Variants in PVALEF observed in about 807,000 individuals in gnomAD.
The protein encoded by PVALEF is parvalbumin like EF-hand containing.
Under a neutral mutation model 1.2 loss-of-function variants are expected in PVALEF, and 2 were observed. The observed-to-expected ratio is 1.68, with a 90% CI of 0.69 to 5.28. The LOEUF (loss-of-function observed/expected upper bound fraction) is 5.28, where lower values mean the gene tolerates loss of function less well. PVALEF is among the 30% of genes most tolerant of loss of function. PVALEF has a pLI of 0.06. For synonymous variants in PVALEF, 16 were observed against 6.5 expected (o/e 2.47, Z -2.24); for missense variants, 35 against 17.7 (o/e 1.97, Z -1.75).
chr17:81,181,339 C>A lies in PVALEF; in HGVS notation c.106+7C>A. On this transcript the variant is annotated splice_region_variant and intron_variant, in intron 4 of 6. Coordinates refer to ENST00000637878, the MANE Select transcript of PVALEF (RefSeq NM_001354639.2). ...ACAGACATGAGACACCACGGTACAG[C>A]ATGCCCCCGCCCGGCGCGGCCCCCC... 1 of 650,426 alleles carries A rather than the reference C, an allele frequency of 1.5e-6. No homozygotes were observed. Among genetic ancestry groups the A allele is most frequent in the South Asian group, 1.8e-5 (1 of 56,998 alleles). 40.3% of individuals were successfully genotyped at this position (650,426 alleles called of 1,614,324 possible).
intron 2 of PVALEF, among the ~76,000 whole-genome samples, chr17:81,170,024 A>G (rs111067633): frequency 6.8e-6 from 1 of 146,542 alleles, no homozygotes; most frequent in African/African-American, 2.5e-5. Flanking sequence ...GTATGTGCAT[A>G]TGTGTAGGTG....
chr17:81,166,035 C>G (rs2061486988), intron 1 of PVALEF: 1 of 1,448,384 alleles, frequency 6.9e-7, no homozygotes. Context: ...GGGCGCTGCG[C>G]TCAGGACGCC....
At chr17:81,168,674 G>T (rs1341504476) in intron 2 of PVALEF, among the ~76,000 whole-genome samples, 1 of 152,184 alleles carries the variant, frequency 6.6e-6, no homozygotes, top group Admixed American at 6.5e-5. Context: ...TGACCGAGGA[G>T]CCCAGATTGG....
At chr17:81,180,925 A>AC (rs1328965224) in intron 3 of PVALEF, among the ~76,000 whole-genome samples, 198 bp from the exon 4 acceptor site, 2 of 151,210 alleles carry the variant, frequency 1.3e-5, no homozygotes, top group Non-Finnish European at 3.0e-5. Flanking sequence ...CCAGAACCCA[A>AC]CCCCCCCTGG....
chr17:81,165,907 CGGCG>C, intron 1 of PVALEF, 160 bp downstream of exon 1: 1 of 1,563,024 alleles, frequency 6.4e-7, no homozygotes, highest in Non-Finnish European at 8.7e-7. Context: ...AGGGAGGCAG[CGGCG>C]CGCAGGCCGG....
At chr17:81,174,495 TG>T (rs2061530342) in intron 2 of PVALEF, among the ~76,000 whole-genome samples, 1 of 151,790 alleles carries the variant, frequency 6.6e-6, no homozygotes, top group Admixed American at 6.6e-5. Flanking sequence ...CCGGGTGTGA[TG>T]GCACGCGCCT....
At chr17:81,174,881 G>C (rs183152968) in intron 2 of PVALEF, among the ~76,000 whole-genome samples, 1 of 150,050 alleles carries the variant, frequency 6.7e-6, no homozygotes, top group Non-Finnish European at 1.5e-5. Context: ...CCTGGTAGGC[G>C]GAGGTTGCAG....
At chr17:81,172,815 G>A (rs1045412323) in intron 2 of PVALEF, among the ~76,000 whole-genome samples, 1 of 152,034 alleles carries the variant, frequency 6.6e-6, no homozygotes, top group Non-Finnish European at 1.5e-5. Context: ...CAGCTCCCAG[G>A]CACAACACGG....
At position 81,165,596 on chromosome 17, in the gene PVALEF, AC is replaced by A. The variant is rs1598240534; in HGVS notation, c.-653del. Reference sequence around the variant, plus strand: ...AAAGCCTGAACCCCAGCTGGCTGACACCCCCCACACCCCCAAGGGCCCTTAG... The same window carrying A: ...AAAGCCTGAACCCCAGCTGGCTGACACCCCCACACCCCCAAGGGCCCTTAG... On this transcript the variant is annotated 5_prime_UTR_variant, in exon 1 of 7. An upstream open reading frame in the 5' UTR gains an earlier in-frame stop. Transcript: ENST00000637878. 12 of 1,369,326 alleles carry A rather than the reference AC, an allele frequency of 8.8e-6. No homozygotes were observed. Among genetic ancestry groups the A allele is most frequent in the Non-Finnish European group, 1.1e-5 (11 of 1,033,602 alleles). 84.8% of individuals were successfully genotyped at this position (1,369,326 alleles called of 1,614,324 possible).
chr17:81,166,454 C>T (rs1299071450), intron 1 of PVALEF, among the ~76,000 whole-genome samples: 16 of 98,342 alleles, frequency 1.6e-4, no homozygotes, highest in Non-Finnish European at 2.6e-4. Flanking sequence ...GGGGATGGTC[C>T]GGAGCGGGAA....
In PVALEF at chr17:81,166,661, C is replaced by G. The variant is rs766895334; in HGVS notation, c.-507-16C>G. On this transcript the variant is annotated splice_polypyrimidine_tract_variant and intron_variant, in intron 1 of 6. Coordinates refer to ENST00000637878, the MANE Select transcript of PVALEF (RefSeq NM_001354639.2). ...GGGCGGGTCTTGGTGCTCAGGGGCCCTCGCCTCACTTGCAGGTTTCGAGGC... is the reference window on the plus strand; with the variant it reads ...GGGCGGGTCTTGGTGCTCAGGGGCCGTCGCCTCACTTGCAGGTTTCGAGGC... 2.2e-6 allele frequency: 1 copy of G among 453,962 alleles called. No individual in the cohort carries two copies. The highest frequency in any genetic ancestry group is 1.6e-5 in the South Asian group (1 of 64,420). The allele number at this position is 453,962 out of a possible 1,614,324, so 28.1% of individuals were successfully genotyped here.
intron 2 of PVALEF, among the ~76,000 whole-genome samples, chr17:81,178,643 A>G (rs2061543226): frequency 1.3e-5 from 2 of 151,478 alleles, no homozygotes; most frequent in Non-Finnish European, 2.9e-5. Flanking sequence ...CCCCACTCAC[A>G]TGTCTGGCCC....
Position 81,181,174 on chromosome 17 carries a change from C to T in PVALEF, c.-53C>T. 1 of 700,424 alleles carries T rather than the reference C, an allele frequency of 1.4e-6. No homozygotes were observed. The highest frequency in any genetic ancestry group is 2.6e-6 in the Non-Finnish European group (1 of 383,554). The allele number at this position is 700,424 out of a possible 1,614,324, so 43.4% of individuals were successfully genotyped here. Reference sequence around the variant, plus strand: ...CGTCTGCTCTGGCCCAAGCAGCACCCCCAATCCGTGCGTGCACCCCACGAA... The same window carrying T: ...CGTCTGCTCTGGCCCAAGCAGCACCTCCAATCCGTGCGTGCACCCCACGAA... On this transcript the variant is annotated 5_prime_UTR_variant, in exon 4 of 7. Coordinates refer to ENST00000637878, the MANE Select transcript of PVALEF (RefSeq NM_001354639.2).
At chr17:81,169,526 A>G (rs539319905) in intron 2 of PVALEF, among the ~76,000 whole-genome samples, 3 of 152,178 alleles carry the variant, frequency 2.0e-5, no homozygotes, top group Non-Finnish European at 4.4e-5. Flanking sequence ...TGAAACCAGA[A>G]GGCGGAACTT....
intron 2 of PVALEF, among the ~76,000 whole-genome samples, chr17:81,174,660 C>T (rs1216321075): frequency 7.0e-6 from 1 of 142,110 alleles, no homozygotes; most frequent in Non-Finnish European, 1.5e-5. Context: ...TGTCTAATTA[C>T]CTCTGTTTGC....
chr17:81,171,341 T>G (rs2146444410), intron 2 of PVALEF, among the ~76,000 whole-genome samples: 1 of 152,232 alleles, frequency 6.6e-6, no homozygotes, highest in African/African-American at 2.4e-5. Context: ...CAGCCCGCCC[T>G]CCAGCCCAGA....
rs2061556835 is a variant in PVALEF, at chr17:81,182,181, C to T, written c.358+100C>T. 3 of 397,468 alleles carry T rather than the reference C, an allele frequency of 7.5e-6. No individual in the cohort carries two copies. In the East Asian group the frequency reaches 1.1e-4, roughly 14 times the overall value. 24.6% of individuals were successfully genotyped at this position (397,468 alleles called of 1,614,324 possible). On this transcript the variant is annotated intron_variant, in intron 6 of 6. Coordinates refer to ENST00000637878, the MANE Select transcript of PVALEF (RefSeq NM_001354639.2). Reference sequence around the variant, plus strand: ...GCCCCGAGGGCACTGGCACACAACTCACAGATGAGGAAACCCAGGCTCAGG... The same window carrying T: ...GCCCCGAGGGCACTGGCACACAACTTACAGATGAGGAAACCCAGGCTCAGG...
chr17:81,182,308 G>A (rs771968928), intron 6 of PVALEF, among the ~76,000 whole-genome samples: 2 of 152,234 alleles, frequency 1.3e-5, no homozygotes, highest in African/African-American at 2.4e-5. Flanking sequence ...CAGAGCCAGC[G>A]GGTATGGGGT....
At chr17:81,177,991 G>A (rs1392909286) in intron 2 of PVALEF, among the ~76,000 whole-genome samples, 1 of 152,106 alleles carries the variant, frequency 6.6e-6, no homozygotes, top group Non-Finnish European at 1.5e-5. Flanking sequence ...TCCGACCTGA[G>A]GCTCCAGGTG....
Sources: allele counts gnomAD v4.1 joint callset (sites outside exome capture counted in the v4.1 genomes callset), GRCh38; gene constraint gnomAD v4.1.1; transcripts MANE v1.5; gene names NCBI Gene and HGNC (gene_info 2026-07-23, HGNC 2026-07-21).